MKNK1: variants seen among roughly 807,000 people sequenced by gnomAD.
The protein encoded by MKNK1 is MAPK interacting serine/threonine kinase 1, also known as MAP kinase-interacting serine/threonine-protein kinase 1.
A neutral mutation model predicts 49.3 loss-of-function variants in MKNK1; 30 were observed. The observed-to-expected ratio is 0.61, with a 90% CI of 0.46 to 0.83. The LOEUF (loss-of-function observed/expected upper bound fraction) is 0.83. MKNK1 is among the 40% of genes least tolerant of loss of function. The probability of loss-of-function intolerance (pLI) is 0.00; values close to 1 mark genes in which losing one functional copy is unlikely to be tolerated. For synonymous variants in MKNK1, 176 were observed against 201.7 expected (o/e 0.87, Z 1.08); for missense variants, 423 against 524.7 (o/e 0.81, Z 1.89).
rs111867230 is a variant in MKNK1 at position 46,596,784 on chromosome 1, G to A, written c.-170-2504C>T. 4.6e-5 allele frequency among the ~76,000 whole-genome samples: 7 copies of A among 152,306 alleles called. 1 individual carries two copies. The highest frequency in any genetic ancestry group is 1.7e-4 in the African/African-American group (7 of 41,562). On this transcript the variant is annotated intron_variant, in intron 1 of 12. Transcript: ENST00000371945. ...AATAGTAACTCTTATTCCAGCTTCT[G>A]ACATGGCTTCTCCAGATCAACTGCA...
chr1:46,592,178 T>C (rs1227254887), intron 2 of MKNK1, among the ~76,000 whole-genome samples: 2 of 152,192 alleles, frequency 1.3e-5, no homozygotes, highest in Non-Finnish European at 2.9e-5. Context: ...AGGCGGAGGT[T>C]GCAGTGAGCC....
At chr1:46,574,225 T>G (rs1670624928) in intron 6 of MKNK1, 1 of 152,206 alleles carries the variant, frequency 6.6e-6, no homozygotes, top group South Asian at 2.1e-4. Flanking sequence ...AAGGGAATAT[T>G]GTTTAGAAAA....
chr1:46,594,271 A>G lies in MKNK1; in HGVS notation c.-161T>C, dbSNP rs773337258. 1 of 769,618 alleles carries G rather than the reference A, an allele frequency of 1.3e-6. No individual in the cohort carries two copies. The highest frequency in any genetic ancestry group is 1.4e-5 in the South Asian group (1 of 71,972). The allele number at this position is 769,618 out of a possible 1,614,324, so 47.7% of individuals were successfully genotyped here. A position where few individuals can be genotyped will look rare whatever the true frequency, so the allele number is the denominator to read the frequency against. ...ATCTTCAGTTCTCCATCGGCCTCTG[A>G]CATGGAAACCTTGAAAAAGCAGAAA... On this transcript the variant is annotated 5_prime_UTR_variant, in exon 2 of 13. Coordinates refer to ENST00000371945, the MANE Select transcript of MKNK1 (RefSeq NM_001135553.4).
intron 2 of MKNK1, 66 bp from the exon 3 acceptor site, chr1:46,583,395 AGG>A: frequency 1.6e-6 from 2 of 1,281,622 alleles, no homozygotes; most frequent in African/African-American, 1.5e-5. Context: ...TTTACCCAGA[AGG>A]AAAAAAAAAA....
At chr1:46,581,072 A>G (rs1357354943) in intron 3 of MKNK1, among the ~76,000 whole-genome samples, 1 of 152,066 alleles carries the variant, frequency 6.6e-6, no homozygotes, top group Non-Finnish European at 1.5e-5. Flanking sequence ...ATATATACGC[A>G]TGATCCCTCT....
intron 7 of MKNK1, 125 bp from the exon 8 acceptor site, chr1:46,568,623 A>C (rs1276862869): frequency 2.2e-6 from 2 of 920,068 alleles, no homozygotes; most frequent in African/African-American, 3.3e-5. Flanking sequence ...TACATTAAAA[A>C]ATCAACGAGC....
Position 46,580,570 on chromosome 1 carries a change from C to T in MKNK1, c.158G>A (p.Gly53Asp), listed in dbSNP as rs762261718. ...LGEGAYAKVQ[G>D]AVSLQNGKEY... ...TTTGCCATTCTGTAGGCTCACGGCA[C>T]CTTGAACTTTGGCATAGGCTCCCTC... is the stretch of plus-strand genomic sequence containing the variant. The change falls in exon 4 of 13, where the codon GGT (glycine) becomes GAT (aspartate). Residue 53 changes from glycine (G) to aspartate (D), a missense_variant. Gly to Asp is a moderately conservative substitution (Grantham distance 94). Transcript: ENST00000371945. 3 of 1,614,012 alleles carry T rather than the reference C, an allele frequency of 1.9e-6. No homozygotes were observed. The highest frequency in any genetic ancestry group is 2.5e-6 in the Non-Finnish European group (3 of 1,180,006).
At chr1:46,576,253 C>T (rs113254420) in intron 5 of MKNK1, 70 of 297,656 alleles carry the variant, frequency 2.4e-4, no homozygotes, top group African/African-American at 1.4e-3. Flanking sequence ...TACCAGGCAA[C>T]ACTCAGTCAA....
At chr1:46,581,942 C>T (rs1250443803) in intron 3 of MKNK1, among the ~76,000 whole-genome samples, 5 of 152,140 alleles carry the variant, frequency 3.3e-5, no homozygotes, top group East Asian at 1.9e-4. Context: ...CATCCCCACT[C>T]GGCCTCCATT....
intron 2 of MKNK1, 108 bp downstream of exon 2, chr1:46,594,005 T>C (rs996565421): frequency 1.7e-5 from 13 of 782,850 alleles, no homozygotes; most frequent in Non-Finnish European, 2.8e-5. Flanking sequence ...GCTAACTAAC[T>C]AAGTGCTGAA....
Position 46,561,523 on chromosome 1 carries a change from CTGCTT to C in MKNK1, c.919_923del (p.Lys307GlufsTer3). ...GCAGAACTTGGGCGGCGCTAAGTCT[CTGCTT>C]TGCATCTCGCACCAGGAGCTTGGAG... On this transcript the variant is annotated frameshift_variant, in exon 11 of 13. Transcript: ENST00000371945. LOFTEE classifies it high-confidence loss of function. The C allele has an allele frequency of 6.2e-7, 1 of 1,614,182 alleles. No homozygotes were observed. Among genetic ancestry groups the C allele is most frequent in the Non-Finnish European group, 8.5e-7 (1 of 1,180,004 alleles).
chr1:46,588,803 G>T (rs1262336), intron 2 of MKNK1, among the ~76,000 whole-genome samples: 1 of 134,520 alleles, frequency 7.4e-6, no homozygotes, highest in African/African-American at 3.0e-5. Flanking sequence ...GCGAGACTCC[G>T]TCTCAAAAAA....
At chr1:46,583,371 GA>G in intron 2 of MKNK1, 42 bp from the exon 3 acceptor site, 1 of 1,450,512 alleles carries the variant, frequency 6.9e-7, no homozygotes, top group Non-Finnish European at 9.5e-7. Flanking sequence ...TCACTGTACT[GA>G]TCAAGCTGTA....
At chr1:46,567,599 A>G (rs577186232) in intron 8 of MKNK1, among the ~76,000 whole-genome samples, 7 of 152,318 alleles carry the variant, frequency 4.6e-5, no homozygotes, top group Non-Finnish European at 7.4e-5. Context: ...TCCCCATAAA[A>G]GAGTTGTGAG....
chr1:46,588,530 G>A (rs1029111721), intron 2 of MKNK1, among the ~76,000 whole-genome samples: 1 of 152,172 alleles, frequency 6.6e-6, no homozygotes, highest in African/African-American at 2.4e-5. Flanking sequence ...CTTCTTGGCC[G>A]GGCGTGGTGG....
intron 2 of MKNK1, among the ~76,000 whole-genome samples, chr1:46,584,345 C>T (rs1199762910): frequency 6.6e-6 from 1 of 152,186 alleles, no homozygotes; most frequent in African/African-American, 2.4e-5. Context: ...TAAGATTTCT[C>T]CGAAGTCTCT....
At chr1:46,580,654 A>G (rs1485603848) in intron 3 of MKNK1, 27 bp from the exon 4 acceptor site, 2 of 1,516,368 alleles carry the variant, frequency 1.3e-6, no homozygotes, top group East Asian at 4.5e-5. Context: ...TGAGAGGAAT[A>G]ACAAGATGAG....
intron 6 of MKNK1, 114 bp downstream of exon 6, chr1:46,574,833 T>G: frequency 1.4e-6 from 1 of 692,198 alleles, no homozygotes; most frequent in Non-Finnish European, 2.5e-6. Flanking sequence ...AGTTTTTAAG[T>G]CCTTCATCCT....
At chr1:46,558,823 A>G (rs1342803829) in intron 12 of MKNK1, 23 bp from the exon 13 acceptor site, 1 of 1,605,610 alleles carries the variant, frequency 6.2e-7, no homozygotes, top group Admixed American at 1.7e-5. Context: ...GGGAAAGCAC[A>G]GAAAAGAGGG....
Sources: allele counts gnomAD v4.1 joint callset (sites outside exome capture counted in the v4.1 genomes callset), GRCh38; gene constraint gnomAD v4.1.1; transcripts MANE v1.5; gene names NCBI Gene and HGNC (gene_info 2026-07-23, HGNC 2026-07-21).